ZC3H18: variants seen among roughly 807,000 people sequenced by gnomAD.
ZC3H18 encodes the protein zinc finger CCCH domain-containing protein 18.
ZC3H18 carries 8 observed loss-of-function variants against 106.1 expected under a neutral mutation model. The observed-to-expected ratio is 0.08, with a 90% CI of 0.04 to 0.14. The LOEUF is 0.14. Among genes scored for constraint, ZC3H18 ranks in the 10% least tolerant of loss-of-function variants. The pLI is 1.00. For missense variants in ZC3H18, 1,318 were observed against 1,278.4 expected (o/e 1.03, Z -0.47); for synonymous variants, 635 against 522.1 (o/e 1.22, Z -2.95).
Position 88,577,929 on chromosome 16 carries a change from C to T in ZC3H18, c.603+203C>T, listed in dbSNP as rs533285270. Among the ~76,000 whole-genome samples, 3 of 152,310 alleles carry T rather than the reference C, an allele frequency of 2.0e-5. No homozygotes were observed. The South Asian group carries it at 6.2e-4, about 32-fold the overall frequency. On this transcript the variant is annotated intron_variant, in intron 2 of 17. Transcript: ENST00000301011. Reference sequence around the variant, plus strand: ...AGAAATCGAGAATGAGCAGAGGCAGCTCCAGAAGCTGCCAGCAGGGTTTCC... The same window carrying T: ...AGAAATCGAGAATGAGCAGAGGCAGTTCCAGAAGCTGCCAGCAGGGTTTCC...
chr16:88,577,843 G>A (rs1481458815), intron 2 of ZC3H18, 117 bp downstream of exon 2: 13 of 1,549,976 alleles, frequency 8.4e-6, no homozygotes, highest in Non-Finnish European at 1.0e-5. Flanking sequence ...ACTAGGGATG[G>A]TGCAGGAGAA....
At chr16:88,593,043 C>T (rs1915844434) in intron 3 of ZC3H18, among the ~76,000 whole-genome samples, 1 of 152,112 alleles carries the variant, frequency 6.6e-6, no homozygotes. Context: ...AAGAGATTAA[C>T]AACAATAGCC....
At chr16:88,596,040 C>G (rs1904420193) in intron 3 of ZC3H18, among the ~76,000 whole-genome samples, 1 of 152,156 alleles carries the variant, frequency 6.6e-6, no homozygotes, top group African/African-American at 2.4e-5. Flanking sequence ...GAGCCATCTT[C>G]CCCTTTACTC....
intron 1 of ZC3H18, among the ~76,000 whole-genome samples, chr16:88,576,812 GTGT>G (rs1914781622): frequency 1.3e-5 from 2 of 152,320 alleles, no homozygotes; most frequent in African/African-American, 2.4e-5. Context: ...CTGTTAACTC[GTGT>G]GGGCTGCCCT....
intron 3 of ZC3H18, among the ~76,000 whole-genome samples, chr16:88,593,649 C>T (rs1027880172): frequency 6.6e-6 from 1 of 152,198 alleles, no homozygotes; most frequent in African/African-American, 2.4e-5. Flanking sequence ...AAGGCTGGAG[C>T]TGCGGCTGAC....
At chr16:88,625,167 A>G (rs1212242204) in intron 12 of ZC3H18, 35 bp from the exon 13 acceptor site, 21 of 1,556,290 alleles carry the variant, frequency 1.3e-5, no homozygotes, top group Non-Finnish European at 1.8e-5. Context: ...TGTGGAGGCC[A>G]CGCCCCCTGA....
At chr16:88,609,123 G>A (rs2142738055) in intron 7 of ZC3H18, 72 bp downstream of exon 7, 5 of 1,243,632 alleles carry the variant, frequency 4.0e-6, no homozygotes, top group South Asian at 1.4e-5. Context: ...TTTATTTACA[G>A]TAAAAAATAC....
chr16:88,624,547 G>C, intron 11 of ZC3H18, 55 bp from the exon 12 acceptor site: 1 of 1,612,246 alleles, frequency 6.2e-7, no homozygotes, highest in Non-Finnish European at 8.5e-7. Context: ...GGGGATGTAG[G>C]CCAGCGGGGC....
rs188723916 is a variant in ZC3H18, at chr16:88,591,115, C to T, written c.688+4431C>T. ...CCTCCTGAGTAGTTGGAACTACAGG[C>T]GCCCGCCACCACGCCCAGGTAATTT... On this transcript the variant is annotated intron_variant, in intron 3 of 17. Transcript: ENST00000301011. Among the ~76,000 whole-genome samples, 491 of 152,108 alleles carry T rather than the reference C, an allele frequency of 3.2e-3. 4 individuals carry two copies. Among genetic ancestry groups the T allele is most frequent in the African/African-American group, 0.011 (463 of 41,516 alleles).
At chr16:88,571,617 G>A in intron 1 of ZC3H18, 1 of 985,428 alleles carries the variant, frequency 1.0e-6, no homozygotes, top group South Asian at 4.7e-5. Context: ...GTTGTAGGTG[G>A]GACATGCTGA....
chr16:88,583,552 C>A (rs1437335409), intron 2 of ZC3H18, among the ~76,000 whole-genome samples: 3 of 152,234 alleles, frequency 2.0e-5, no homozygotes, highest in Non-Finnish European at 4.4e-5. Flanking sequence ...GGATTTGAAC[C>A]TGGGCCTTTT....
rs1228530760 is a variant in ZC3H18, at chr16:88,623,827, T to A, written c.1794-131T>A. ...AGCAGATGACAGAACAGTCCAGAAC[T>A]GAAGTTAAAACTGAGGCACATAAAT... On this transcript the variant is annotated intron_variant, in intron 10 of 17. Transcript: ENST00000301011. 3 of 1,433,334 alleles carry A rather than the reference T, an allele frequency of 2.1e-6. No homozygotes were observed. The African/African-American group carries it at 4.3e-5, about 21-fold the overall frequency. 88.8% of individuals were successfully genotyped at this position (1,433,334 alleles called of 1,614,324 possible).
intron 2 of ZC3H18, among the ~76,000 whole-genome samples, chr16:88,580,825 C>G (rs1288850827): frequency 2.0e-5 from 3 of 152,120 alleles, no homozygotes; most frequent in Non-Finnish European, 2.9e-5. Flanking sequence ...GCAAAGTGTC[C>G]GTTCTAGAAG....
chr16:88,622,988 G>C, intron 9 of ZC3H18: 1 of 604,710 alleles, frequency 1.7e-6, no homozygotes, highest in South Asian at 2.0e-5. Context: ...CCCACGCCCA[G>C]GTCTTGATTT....
intron 3 of ZC3H18, among the ~76,000 whole-genome samples, chr16:88,595,404 G>T (rs1244593741): frequency 6.6e-6 from 1 of 151,072 alleles, no homozygotes; most frequent in East Asian, 1.9e-4. Flanking sequence ...TAAATTTTGG[G>T]TTTGAAGTCC....
At chr16:88,611,919 T>G (rs1403009199) in intron 8 of ZC3H18, among the ~76,000 whole-genome samples, 1 of 152,138 alleles carries the variant, frequency 6.6e-6, no homozygotes, top group Non-Finnish European at 1.5e-5. Context: ...AGTTCTGAAT[T>G]CCAAAGCATG....
chr16:88,590,560 A>ATTTATTTTTT (rs1915685593), intron 3 of ZC3H18, among the ~76,000 whole-genome samples: 1 of 24,102 alleles, frequency 4.1e-5, no homozygotes, highest in Non-Finnish European at 9.1e-5. Flanking sequence ...GGGTTTCTTT[A>ATTTATTTTTT]TTTCTTTTTT....
chr16:88,589,464 A>G (rs1426123629), intron 3 of ZC3H18, among the ~76,000 whole-genome samples: 2 of 152,288 alleles, frequency 1.3e-5, no homozygotes, highest in African/African-American at 4.8e-5. Context: ...ATGCAGTGGA[A>G]TGCTACTTGG....
At chr16:88,628,515 C>T (rs1302086710) in intron 15 of ZC3H18, 6 of 559,458 alleles carry the variant, frequency 1.1e-5, no homozygotes, top group South Asian at 2.1e-5. Context: ...GAGTGGCCCC[C>T]GTGGGGAGCA....
Sources: allele counts gnomAD v4.1 joint callset (sites outside exome capture counted in the v4.1 genomes callset), GRCh38; gene constraint gnomAD v4.1.1; transcripts MANE v1.5; gene names NCBI Gene and HGNC (gene_info 2026-07-23, HGNC 2026-07-21).